The following KANK1 variants were observed in gnomAD, a reference collection of about 807,000 sequenced individuals.
The protein encoded by KANK1 is KN motif and ankyrin repeat domains 1.
A neutral mutation model predicts 106.2 loss-of-function variants in KANK1; 109 were observed. The ratio of observed to expected loss-of-function variants is 1.03; its 90% confidence interval spans 0.88 to 1.20. The LOEUF is 1.20. Among genes scored for constraint, KANK1 ranks in the 50% most tolerant of loss-of-function variants. The pLI is 0.00. For synonymous variants in KANK1, 873 were observed against 652.2 expected (o/e 1.34, Z -5.16); for missense variants, 2,399 against 1,710.7 (o/e 1.40, Z -7.10).
chr9:710,859 C>T lies in KANK1; in HGVS notation c.93C>T (p.Tyr31=), dbSNP rs151056048. 91 of 1,613,464 alleles carry T rather than the reference C, an allele frequency of 5.6e-5. 1 individual carries two copies. In the African/African-American group the frequency reaches 1.1e-3, roughly 19 times the overall value. Residue 31 remains tyrosine, a synonymous_variant, in exon 3 of 12, where the codon TAC becomes TAT. Coordinates refer to ENST00000382297, the MANE Select transcript of KANK1 (RefSeq NM_015158.5). ...AGGACAAGGAACAGAAAGACCCTTA[C>T]TTTGTGGAGACCCCCTATGGTTATC... ...GDQDKEQKDP[Y]FVETPYGYQL...
At position 472,920 on chromosome 9, in the gene KANK1, C is replaced by G. The variant is rs543431389; in HGVS notation, c.-441-274C>G. Among the ~76,000 whole-genome samples the G allele has an allele frequency of 2.9e-4, 44 of 152,276 alleles. 2 individuals carry two copies. In the South Asian group the frequency reaches 8.9e-3, roughly 31 times the overall value. ...AGAGCATGAACTACCCTAGGTGAGA[C>G]CAGTAGAAGAACCCAGCTCAGATTA... On this transcript the variant is annotated intron_variant, in intron 2 of 15. Coordinates refer to the KANK1 transcript ENST00000382303.
chr9:739,574 CAG>C (rs1282414315), intron 8 of KANK1, among the ~76,000 whole-genome samples: 2 of 152,140 alleles, frequency 1.3e-5, no homozygotes, highest in African/African-American at 4.8e-5. Flanking sequence ...AGACTATAAA[CAG>C]AGCTGGTGAT....
intron 2 of KANK1, among the ~76,000 whole-genome samples, chr9:691,437 T>A (rs1819888275): frequency 6.6e-6 from 1 of 150,498 alleles, no homozygotes; most frequent in African/African-American, 2.4e-5. Flanking sequence ...TTATTATTTT[T>A]TTTAATAGAG....
intron 1 of KANK1, among the ~76,000 whole-genome samples, chr9:541,470 C>T (rs538698144): frequency 2.0e-5 from 3 of 152,114 alleles, no homozygotes; most frequent in African/African-American, 7.2e-5. Context: ...GAGGATTTGA[C>T]TGCAAAATGG....
intron 1 of KANK1, among the ~76,000 whole-genome samples, chr9:651,693 G>C (rs966105639): frequency 1.3e-5 from 2 of 152,174 alleles, no homozygotes; most frequent in East Asian, 1.9e-4. Flanking sequence ...TACACATCAG[G>C]CTCCATATAA....
chr9:580,659 A>T (rs58060168), intron 1 of KANK1, among the ~76,000 whole-genome samples: 2 of 152,162 alleles, frequency 1.3e-5, no homozygotes, highest in Non-Finnish European at 2.9e-5. Context: ...TTAGCTAGAC[A>T]TAAAGGTTCT....
At chr9:692,750 C>T (rs1820285729) in intron 2 of KANK1, among the ~76,000 whole-genome samples, 1 of 151,536 alleles carries the variant, frequency 6.6e-6, no homozygotes, top group South Asian at 2.1e-4. Flanking sequence ...TGTGGTGGTT[C>T]ATGCCTGTAA....
intron 2 of KANK1, among the ~76,000 whole-genome samples, chr9:680,581 A>C (rs1469491327): frequency 1.3e-5 from 2 of 152,218 alleles, no homozygotes. Context: ...ATGAGCACCT[A>C]CTACGTGCTG....
At chr9:490,815 T>G (rs1404604318) in intron 3 of KANK1, among the ~76,000 whole-genome samples, 1 of 151,996 alleles carries the variant, frequency 6.6e-6, no homozygotes, top group Non-Finnish European at 1.5e-5. Context: ...AGAACAAAAT[T>G]CTTGCTCTTG....
intron 1 of KANK1, among the ~76,000 whole-genome samples, chr9:615,070 G>T (rs915110510): frequency 6.6e-6 from 1 of 151,738 alleles, no homozygotes; most frequent in African/African-American, 2.4e-5. Context: ...CTTCCGAGTA[G>T]CTGGTACCAA....
At chr9:661,134 C>G (rs1174114588) in intron 1 of KANK1, among the ~76,000 whole-genome samples, 1 of 151,898 alleles carries the variant, frequency 6.6e-6, no homozygotes, top group Non-Finnish European at 1.5e-5. Context: ...TATTTAAACC[C>G]CTTTTTTAAA....
chr9:574,893 T>C (rs1820151004), intron 1 of KANK1, among the ~76,000 whole-genome samples: 1 of 152,088 alleles, frequency 6.6e-6, no homozygotes, highest in Admixed American at 6.5e-5. Flanking sequence ...TTTTTCTTTT[T>C]TTAAGTGTAT....
intron 3 of KANK1, among the ~76,000 whole-genome samples, chr9:496,716 A>G (rs2058463947): frequency 6.6e-6 from 1 of 152,192 alleles, no homozygotes; most frequent in Non-Finnish European, 1.5e-5. Flanking sequence ...TTTAAAGGAC[A>G]GATAGTTTCT....
chr9:606,249 A>AT (rs1829113311), intron 1 of KANK1, among the ~76,000 whole-genome samples: 1 of 151,166 alleles, frequency 6.6e-6, no homozygotes, highest in African/African-American at 2.5e-5. Context: ...AATTTTAAAA[A>AT]TATATATTTT....
At chr9:574,605 C>T (rs1222148158) in intron 1 of KANK1, among the ~76,000 whole-genome samples, 5 of 151,770 alleles carry the variant, frequency 3.3e-5, no homozygotes, top group Non-Finnish European at 5.9e-5. Flanking sequence ...GCCTGTAATC[C>T]CAGCACTTTG....
chr9:693,914 T>C (rs1230755167), intron 2 of KANK1: 1 of 725,664 alleles, frequency 1.4e-6, no homozygotes, highest in Non-Finnish European at 1.7e-6. Context: ...CTAGAAAGAA[T>C]AACCCAGTAC....
rs189255648 is a variant in KANK1, at chr9:734,345, T to C, written c.3246-403T>C. 211 of 183,768 alleles carry C rather than the reference T, an allele frequency of 1.1e-3. 3 individuals are homozygous for C. The East Asian group carries it at 0.022, about 19-fold the overall frequency. The allele number at this position is 183,768 out of a possible 1,614,324, so 11.4% of individuals were successfully genotyped here. A position where few individuals can be genotyped will look rare whatever the true frequency, so the allele number is the denominator to read the frequency against. ...CCATAATGACCTGCCTGGGCTGGCT[T>C]GGGGCCACTTGCCTTTTAAAAATAT... On this transcript the variant is annotated intron_variant, in intron 6 of 11. Transcript: ENST00000382297.
chr9:677,432 G>A (rs1422763877), intron 2 of KANK1: 1 of 159,396 alleles, frequency 6.3e-6, no homozygotes, highest in African/African-American at 2.4e-5. Flanking sequence ...AAGGAGGGAA[G>A]AGAAGTATAT....
intron 1 of KANK1, among the ~76,000 whole-genome samples, chr9:663,009 A>G (rs111880119): frequency 0.029 from 4,383 of 152,214 alleles, 221 homozygotes; most frequent in African/African-American, 0.098. Flanking sequence ...AATAAATCTG[A>G]GGATGTGTTA....
Sources: gnomAD v4.1 joint callset for allele counts (sites outside exome capture counted in the v4.1 genomes callset) on GRCh38, gnomAD v4.1.1 for gene constraint, MANE v1.5 for transcripts, NCBI Gene and HGNC (gene_info 2026-07-23, HGNC 2026-07-21) for gene names.